ZFAND3: variants seen among roughly 807,000 people sequenced by gnomAD.
ZFAND3 encodes AN1-type zinc finger protein 3.
A neutral mutation model predicts 29.6 loss-of-function variants in ZFAND3; 10 were observed. The ratio of observed to expected loss-of-function variants is 0.34; its 90% CI spans 0.21 to 0.57. The LOEUF (loss-of-function observed/expected upper bound fraction) is 0.57. ZFAND3 is among the 20% of genes least tolerant of loss of function. The pLI is 0.86. For synonymous variants in ZFAND3, 128 were observed against 112.6 expected (o/e 1.14, Z -0.87); for missense variants, 230 against 304.5 (o/e 0.76, Z 1.82).
At chr6:37,986,212 A>G (rs752110) in intron 2 of ZFAND3, among the ~76,000 whole-genome samples, 13,415 of 152,024 alleles carry the variant, frequency 0.088, 781 homozygotes, top group East Asian at 0.29. Context: ...GATATTGCCC[A>G]TTAGACTGGC....
At chr6:37,935,212 G>A (rs1761676533) in intron 2 of ZFAND3, among the ~76,000 whole-genome samples, 1 of 152,136 alleles carries the variant, frequency 6.6e-6, no homozygotes. Flanking sequence ...CTATTGAAAA[G>A]GATGGTATGT....
In ZFAND3 at chr6:38,070,762, T is replaced by A. The variant is rs12663427; in HGVS notation, c.295+8987T>A. ...TTTGATTTGCATGGCAATATTACCTTCCAAAATGACTGTATGACTTTATAT... is the reference window on the plus strand; with the variant it reads ...TTTGATTTGCATGGCAATATTACCTACCAAAATGACTGTATGACTTTATAT... On this transcript the variant is annotated intron_variant, in intron 3 of 5. Coordinates refer to ENST00000287218, the MANE Select transcript of ZFAND3 (RefSeq NM_021943.3). Among the ~76,000 whole-genome samples the A allele has an allele frequency of 0.017, 2,586 of 152,294 alleles. 248 individuals are homozygous for A. In the East Asian group the frequency reaches 0.28, roughly 16 times the overall value.
At chr6:38,096,892 A>T (rs1764991608) in intron 4 of ZFAND3, among the ~76,000 whole-genome samples, 1 of 152,088 alleles carries the variant, frequency 6.6e-6, no homozygotes, top group African/African-American at 2.4e-5. Context: ...AATGTCTTCT[A>T]AGCATATTCA....
intron 5 of ZFAND3, among the ~76,000 whole-genome samples, chr6:38,128,120 G>A (rs1207806906): frequency 2.6e-5 from 4 of 152,174 alleles, no homozygotes; most frequent in Admixed American, 6.5e-5. Flanking sequence ...ACACGCACAC[G>A]CATAGTAGTT....
chr6:38,138,512 C>G (rs923351916), intron 5 of ZFAND3, among the ~76,000 whole-genome samples: 1 of 152,162 alleles, frequency 6.6e-6, no homozygotes, highest in African/African-American at 2.4e-5. Flanking sequence ...CGCCTGAGCT[C>G]TAGCAGCCTG....
At chr6:37,833,641 A>G (rs1340461145) in intron 1 of ZFAND3, among the ~76,000 whole-genome samples, 2 of 152,012 alleles carry the variant, frequency 1.3e-5, no homozygotes, top group African/African-American at 4.8e-5. Flanking sequence ...CCTGGCCAAC[A>G]TAGTGAAACC....
intron 1 of ZFAND3, among the ~76,000 whole-genome samples, chr6:37,825,027 A>G (rs932204872): frequency 5.3e-5 from 8 of 152,230 alleles, no homozygotes; most frequent in Non-Finnish European, 1.2e-4. Context: ...GAATCAATGT[A>G]TATATTTTTT....
chr6:37,884,755 T>G (rs933943675), intron 1 of ZFAND3, among the ~76,000 whole-genome samples: 1 of 116,796 alleles, frequency 8.6e-6, no homozygotes, highest in Non-Finnish European at 1.7e-5. Context: ...AGAACGCTTT[T>G]CTGAGAGATG....
chr6:37,946,491 TC>T (rs1761904132), intron 2 of ZFAND3, among the ~76,000 whole-genome samples: 1 of 152,132 alleles, frequency 6.6e-6, no homozygotes, highest in Non-Finnish European at 1.5e-5. Context: ...TTACAATTTT[TC>T]CCCCCATTCC....
At chr6:38,145,875 CT>C (rs1230655233) in intron 5 of ZFAND3, among the ~76,000 whole-genome samples, 3 of 151,340 alleles carry the variant, frequency 2.0e-5, no homozygotes, top group Admixed American at 2.0e-4. Flanking sequence ...AGAAGTGCCC[CT>C]ACCCCCTGCC....
intron 1 of ZFAND3, among the ~76,000 whole-genome samples, chr6:37,927,081 G>T (rs1761498524): frequency 6.6e-6 from 1 of 152,144 alleles, no homozygotes; most frequent in Non-Finnish European, 1.5e-5. Flanking sequence ...TAACCTGATT[G>T]ACAACCATGT....
chr6:38,061,626 C>T lies in ZFAND3; in HGVS notation c.146C>T (p.Ala49Val), dbSNP rs1354980226. The T allele has an allele frequency of 3.7e-6, 6 of 1,614,196 alleles. No individual in the cohort carries two copies. The East Asian group carries it at 1.1e-4, about 30-fold the overall frequency. Residue 49 changes from alanine (A) to valine (V), a missense_variant, in exon 3 of 6, where the codon GCT becomes GTT. Ala to Val is a moderately conservative substitution (Grantham distance 64, BLOSUM62 0). This residue lies in a region of ZFAND3 where 180 missense variants were observed against 202.5 expected (regional missense o/e 0.89). Coordinates refer to ENST00000287218, the MANE Select transcript of ZFAND3 (RefSeq NM_021943.3). ...FQKKQPDDDS[A>V]PSTSNSQSDL... ...AAGAAACAGCCAGACGATGATTCCG[C>T]TCCAAGTACAAGTAACAGCCAATCA...
At chr6:37,879,518 C>G (rs1764853705) in intron 1 of ZFAND3, among the ~76,000 whole-genome samples, 1 of 152,026 alleles carries the variant, frequency 6.6e-6, no homozygotes, top group African/African-American at 2.4e-5. Flanking sequence ...CTCTGTGTAA[C>G]TGACAAATAT....
intron 1 of ZFAND3, among the ~76,000 whole-genome samples, chr6:37,862,041 A>T (rs10947707): frequency 0.39 from 58,657 of 152,028 alleles, 12,099 homozygotes; most frequent in Non-Finnish European, 0.47. Flanking sequence ...ATTATTTTTT[A>T]AAAATGTGCT....
intron 1 of ZFAND3, among the ~76,000 whole-genome samples, chr6:37,842,980 G>C (rs1213825267): frequency 6.6e-6 from 1 of 152,046 alleles, no homozygotes; most frequent in Non-Finnish European, 1.5e-5. Flanking sequence ...AAATTAGCCA[G>C]GCGTGGTGGT....
At chr6:37,993,646 C>T (rs1762799269) in intron 2 of ZFAND3, among the ~76,000 whole-genome samples, 5 of 152,114 alleles carry the variant, frequency 3.3e-5, no homozygotes, top group African/African-American at 1.2e-4. Context: ...TTTAAAGAGA[C>T]TGTTTTTCTC....
chr6:37,837,248 T>C (rs1440722768), intron 1 of ZFAND3, among the ~76,000 whole-genome samples: 2 of 152,126 alleles, frequency 1.3e-5, no homozygotes, highest in African/African-American at 4.8e-5. Flanking sequence ...ATTCATGACA[T>C]GTGCTGTATG....
chr6:38,153,612 C>CT lies in ZFAND3; in HGVS notation c.*1224dup. 9.1e-6 allele frequency: 9 copies of CT among 985,530 alleles called. No individual in the cohort carries two copies. Among genetic ancestry groups the CT allele is most frequent in the Non-Finnish European group, 1.1e-5 (9 of 830,022 alleles). 61.0% of individuals were successfully genotyped at this position (985,530 alleles called of 1,614,324 possible). ...AGGGCCTGAGGGTACATTTCTCCACCTGTGCCCCCTCATGTTCACAGAGGA... is the reference window on the plus strand; with the variant it reads ...AGGGCCTGAGGGTACATTTCTCCACCTTGTGCCCCCTCATGTTCACAGAGGA... On this transcript the variant is annotated 3_prime_UTR_variant, in exon 6 of 6. Transcript: ENST00000287218.
chr6:37,914,662 C>CTTTCTTTCTTTCT (rs1554157822), intron 1 of ZFAND3, among the ~76,000 whole-genome samples: 1 of 62,474 alleles, frequency 1.6e-5, no homozygotes, highest in African/African-American at 6.7e-5. Flanking sequence ...TTCTTTCTTT[C>CTTTCTTTCTTTCT]TTTTTTTTTC....
Sources: gnomAD v4.1 joint callset for allele counts (sites outside exome capture counted in the v4.1 genomes callset) on GRCh38, gnomAD v4.1.1 for gene constraint, gnomAD v4.1.1 regional missense constraint, MANE v1.5 for transcripts, NCBI Gene and HGNC (gene_info 2026-07-23, HGNC 2026-07-21) for gene names.